Variants in ROS1 observed in about 807,000 individuals in gnomAD.
The protein encoded by ROS1 is ROS proto-oncogene 1, receptor tyrosine kinase, also known as proto-oncogene tyrosine-protein kinase ROS.
Under a neutral mutation model 273.5 loss-of-function variants are expected in ROS1, and 263 were observed. The ratio of observed to expected loss-of-function variants is 0.96; its 90% confidence interval spans 0.87 to 1.06. The LOEUF (loss-of-function observed/expected upper bound fraction) is 1.06, where lower values mean the gene tolerates loss of function less well. ROS1 is among the 50% of genes least tolerant of loss of function. ROS1 has a pLI of 0.00. For synonymous variants in ROS1, 1,008 were observed against 954.1 expected, an observed-to-expected ratio of 1.06 and a Z score of -1.04; for missense variants, 2,833 against 2,751.1, an observed-to-expected ratio of 1.03 and a Z score of -0.67.
Position 117,425,536 on chromosome 6 carries a change from G to C in ROS1, c.121C>G (p.Leu41Val), listed in dbSNP as rs757365700. 6.3e-7 allele frequency: 1 copy of C among 1,592,890 alleles called. No individual in the cohort carries two copies. The change falls in exon 1 of 44, where the codon CTG becomes GTG. Residue 41 changes from leucine (L) to valine (V), a missense_variant and splice_region_variant. Transcript: ENST00000368507. ...NSCLKSCVTN[L>V]GQQLDLGTPH... ...AAATATTAGATTGTGAGACTTACCA[G>C]ATTAGTTACACACGACTTTAGGCAG...
intron 18 of ROS1, among the ~76,000 whole-genome samples, chr6:117,376,735 T>C (rs1781360082): frequency 6.6e-6 from 1 of 152,068 alleles, no homozygotes; most frequent in Non-Finnish European, 1.5e-5. Flanking sequence ...CTAAAAACTA[T>C]AAAACACTTC....
chr6:117,311,160 G>T, intron 39 of ROS1, 43 bp from the exon 40 acceptor site: 2 of 1,152,030 alleles, frequency 1.7e-6, no homozygotes, highest in Non-Finnish European at 2.6e-6. Flanking sequence ...TATCTAGTTT[G>T]CATGAAATAT....
At chr6:117,325,044 T>C (rs1405845968) in intron 34 of ROS1, among the ~76,000 whole-genome samples, 1 of 152,172 alleles carries the variant, frequency 6.6e-6, no homozygotes, top group Non-Finnish European at 1.5e-5. Flanking sequence ...AGATCACATG[T>C]AGCCTGCAAA....
chr6:117,386,877 C>T lies in ROS1; in HGVS notation c.2110+12G>A, dbSNP rs2128698511. On this transcript the variant is annotated intron_variant, in intron 15 of 43. Transcript: ENST00000368507. The stretch of plus-strand genomic sequence containing the variant: ...ATCTGTCATTCAAGTGAACAGAGGA[C>T]TTGGGGTTTACCTGACACATTTCCT... The T allele has an allele frequency of 7.2e-7, 1 of 1,379,820 alleles. No homozygotes were observed. Among genetic ancestry groups the T allele is most frequent in the African/African-American group, 1.4e-5 (1 of 69,938 alleles). 85.5% of individuals were successfully genotyped at this position (1,379,820 alleles called of 1,614,324 possible).
chr6:117,296,520 G>A (rs1774254586), intron 43 of ROS1, among the ~76,000 whole-genome samples: 1 of 152,152 alleles, frequency 6.6e-6, no homozygotes, highest in East Asian at 1.9e-4. Flanking sequence ...TGGAACTGGA[G>A]ATCATTATGT....
At chr6:117,291,364 C>T (rs528991177) in intron 43 of ROS1, among the ~76,000 whole-genome samples, 1 of 152,226 alleles carries the variant, frequency 6.6e-6, no homozygotes, top group South Asian at 2.1e-4. Flanking sequence ...ATTCTTTCTG[C>T]CAACAACTTG....
intron 35 of ROS1, 75 bp from the exon 36 acceptor site, chr6:117,321,469 C>T (rs544114768): frequency 7.6e-7 from 1 of 1,310,092 alleles, no homozygotes; most frequent in East Asian, 2.3e-5. Context: ...GTTAACAGTG[C>T]ATTTGAAGTG....
chr6:117,407,017 C>T (rs1774461921), intron 5 of ROS1, among the ~76,000 whole-genome samples: 2 of 101,962 alleles, frequency 2.0e-5, no homozygotes, highest in Non-Finnish European at 3.9e-5. Context: ...CAGTGCACAG[C>T]TTGGACCCCC....
Position 117,403,140 on chromosome 6 carries a change from T to C in ROS1, c.603A>G (p.Gly201=), listed in dbSNP as rs369350268. 1.9e-6 allele frequency: 3 copies of C among 1,613,766 alleles called. No homozygotes were observed. The highest frequency in any genetic ancestry group is 1.6e-4 in the Middle Eastern group (1 of 6,070). The change falls in exon 7 of 44, where the codon GGA becomes GGG. Residue 201 remains glycine, a splice_region_variant and synonymous_variant. Coordinates refer to ENST00000368507, the MANE Select transcript of ROS1 (RefSeq NM_001378902.1). The part of the protein sequence containing the change: ...PSPSYRTHPH[G]VPETAPLIRN... ...ATAAGAAATGTGTGCACACCATACC[T>C]CCATGAGGATGAGTCCTGTAACTGG...
chr6:117,409,708 C>A, intron 4 of ROS1, 66 bp from the exon 5 acceptor site: 5 of 1,301,250 alleles, frequency 3.8e-6, no homozygotes, highest in African/African-American at 1.5e-5. Context: ...TAAGCTTCAA[C>A]TAAATTTTAA....
Position 117,365,050 on chromosome 6 carries a change from AC to A in ROS1, c.3103+9del. 1 of 1,610,406 alleles carries A rather than the reference AC, an allele frequency of 6.2e-7. No individual in the cohort carries two copies. Among genetic ancestry groups the A allele is most frequent in the East Asian group, 2.2e-5 (1 of 44,846 alleles). The stretch of plus-strand genomic sequence containing the variant: ...TTTTTAAGAAAAAAGACAGATTTTA[AC>A]CCCTGTACCTGTTTCAGGTGCTCGA... On this transcript the variant is annotated intron_variant, in intron 21 of 43. Transcript: ENST00000368507.
At chr6:117,313,639 G>C (rs1323564147) in intron 39 of ROS1, among the ~76,000 whole-genome samples, 1 of 151,722 alleles carries the variant, frequency 6.6e-6, no homozygotes. Flanking sequence ...TGTAGATAAA[G>C]AAACTGAGTC....
intron 33 of ROS1, 106 bp from the exon 34 acceptor site, chr6:117,326,520 A>G (rs1776657052): frequency 1.5e-6 from 1 of 661,148 alleles, no homozygotes; most frequent in Admixed American, 3.9e-5. Context: ...GTCCTTTGGC[A>G]CAATTTACCC....
chr6:117,416,445 C>T, intron 2 of ROS1, 128 bp from the exon 3 acceptor site: 3 of 658,522 alleles, frequency 4.6e-6, no homozygotes, highest in Admixed American at 5.2e-5. Flanking sequence ...TACCAAGAAA[C>T]CTGAGGCCTC....
intron 6 of ROS1, 121 bp from the exon 7 acceptor site, chr6:117,403,398 T>A: frequency 1.0e-6 from 1 of 1,000,174 alleles, no homozygotes; most frequent in Non-Finnish European, 1.5e-6. Flanking sequence ...ATAAGAGGCC[T>A]GGAGCTTAGA....
chr6:117,330,647 C>A (rs1002916861), intron 32 of ROS1, among the ~76,000 whole-genome samples: 6 of 152,134 alleles, frequency 3.9e-5, no homozygotes, highest in Non-Finnish European at 7.3e-5. Context: ...TCTCCAGCCT[C>A]CTTGAGTTAC....
chr6:117,313,109 A>G (rs1775666383), intron 39 of ROS1, among the ~76,000 whole-genome samples: 1 of 152,186 alleles, frequency 6.6e-6, no homozygotes, highest in Admixed American at 6.5e-5. Flanking sequence ...AAGTTCCTTG[A>G]GTGCAAGAAC....
At chr6:117,305,220 C>T (rs1775014672) in intron 42 of ROS1, among the ~76,000 whole-genome samples, 1 of 152,022 alleles carries the variant, frequency 6.6e-6, no homozygotes, top group Admixed American at 6.6e-5. Context: ...AGGGCTATTG[C>T]CATACTTACT....
At chr6:117,300,811 A>G (rs560364434) in intron 43 of ROS1, among the ~76,000 whole-genome samples, 163 bp downstream of exon 43, 4 of 152,368 alleles carry the variant, frequency 2.6e-5, no homozygotes, top group African/African-American at 9.6e-5. Flanking sequence ...TAATACAAAT[A>G]ATTTTCAAAG....
Sources: gnomAD v4.1 joint callset for allele counts (sites outside exome capture counted in the v4.1 genomes callset) on GRCh38, gnomAD v4.1.1 for gene constraint, MANE v1.5 for transcripts, NCBI Gene and HGNC (gene_info 2026-07-23, HGNC 2026-07-21) for gene names.